Variants in UCKL1 observed in about 807,000 individuals in gnomAD.
UCKL1 encodes uridine-cytidine kinase-like 1.
In UCKL1, 65 loss-of-function variants were observed where a neutral mutation model predicts 59.2. The observed-to-expected ratio is 1.10, with a 90% CI of 0.90 to 1.35. The LOEUF (loss-of-function observed/expected upper bound fraction) is 1.35, where lower values mean the gene tolerates loss of function less well. Among genes scored for constraint, UCKL1 ranks in the 40% most tolerant of loss-of-function variants. UCKL1 has a pLI of 0.00. For missense variants in UCKL1, 703 were observed against 784.3 expected (o/e 0.90, Z 1.24); for synonymous variants, 410 against 323.1 (o/e 1.27, Z -2.88).
intron 1 of UCKL1, among the ~76,000 whole-genome samples, chr20:63,946,906 C>T (rs775725431): frequency 4.6e-5 from 7 of 151,698 alleles, no homozygotes; most frequent in Non-Finnish European, 7.4e-5. Flanking sequence ...GGTGAAGACC[C>T]GTCTCTACTA....
At position 63,940,829 on chromosome 20, in the gene UCKL1, G is replaced by A. The variant is rs1240826359; in HGVS notation, c.1144C>T (p.Gln382Ter). The stretch of plus-strand genomic sequence containing the variant: ...GCATAGCACTTGCCCGCATAGTCCT[G>A]CCCCTGCGGGGTCTGTACGACGCAG... ...QDCVVQTPQG[Q>*]DYAGKCYAGK... Residue 382 changes from glutamine (Q) to a stop codon, truncating the protein, a stop_gained, in exon 11 of 15, where the codon CAG (glutamine) becomes TAG (stop). Coordinates refer to ENST00000354216, the MANE Select transcript of UCKL1 (RefSeq NM_017859.4). LOFTEE classifies it high-confidence loss of function. The A allele has an allele frequency of 2.6e-6, 4 of 1,564,582 alleles. No individual in the cohort carries two copies. The highest frequency in any genetic ancestry group is 2.7e-5 in the African/African-American group (2 of 74,312).
chr20:63,952,224 GC>G (rs1258146606), intron 1 of UCKL1, among the ~76,000 whole-genome samples: 1 of 152,222 alleles, frequency 6.6e-6, no homozygotes, highest in Non-Finnish European at 1.5e-5. Context: ...GCTCCTGGGG[GC>G]CATGCCACTG....
In UCKL1 at chr20:63,944,762, G is replaced by A. The variant is rs527608342; in HGVS notation, c.655-28C>T. ...GGTGGAGACAGCGGGCCAGTGAGTG[G>A]CCAGATGCCAGCAGTGGGCATGGAG... is the stretch of plus-strand genomic sequence containing the variant. On this transcript the variant is annotated intron_variant, in intron 5 of 14. Transcript: ENST00000354216. 2.6e-5 allele frequency: 42 copies of A among 1,608,916 alleles called. No individual in the cohort carries two copies. In the South Asian group the frequency reaches 4.2e-4, roughly 16 times the overall value.
intron 8 of UCKL1, chr20:63,941,430 G>T: frequency 1.5e-6 from 1 of 657,306 alleles, no homozygotes; most frequent in Non-Finnish European, 2.6e-6. Context: ...AACGGGGCAA[G>T]CTCACCATCA....
In UCKL1 at chr20:63,939,913, T is replaced by G; in HGVS notation, c.*63A>C. 1 of 1,330,556 alleles carries G rather than the reference T, an allele frequency of 7.5e-7. No homozygotes were observed. The highest frequency in any genetic ancestry group is 1.5e-5 in the African/African-American group (1 of 68,750). 82.4% of individuals were successfully genotyped at this position (1,330,556 alleles called of 1,614,324 possible). On this transcript the variant is annotated 3_prime_UTR_variant, in exon 15 of 15. Transcript: ENST00000354216. ...CATTTTAAAAATTAACATCTTTGTA[T>G]TCAGCAGTCCTGGGTCAGGAGGCAG... is the stretch of plus-strand genomic sequence containing the variant.
intron 1 of UCKL1, chr20:63,951,186 C>A: frequency 2.0e-6 from 2 of 1,024,868 alleles, no homozygotes; most frequent in Non-Finnish European, 2.3e-6. Context: ...AGAGGATCAC[C>A]CAGCTGGGGG....
Position 63,956,262 on chromosome 20 carries a change from G to T in UCKL1, c.111C>A (p.Asp37Glu). 1 of 1,539,906 alleles carries T rather than the reference G, an allele frequency of 6.5e-7. No homozygotes were observed. Residue 37 changes from aspartate to glutamate, a missense_variant and splice_region_variant, in exon 1 of 15, where the codon GAC becomes GAA. By Grantham distance (45) the Asp-to-Glu change is conservative. Around this residue, in one of 4 missense-constraint regions of UCKL1, gnomAD observed 398 missense variants for 373.0 expected, o/e 1.07. Coordinates refer to ENST00000354216, the MANE Select transcript of UCKL1 (RefSeq NM_017859.4). ...QAEKSETACE[D>E]RSNAESLDRL... is the part of the protein sequence containing the mutation. ...GTGGAGGCGAGGCCCACGCCTACCGGTCCTCGCACGCGGTCTCGCTTTTCT... is the reference window on the plus strand; with the variant it reads ...GTGGAGGCGAGGCCCACGCCTACCGTTCCTCGCACGCGGTCTCGCTTTTCT...
intron 1 of UCKL1, among the ~76,000 whole-genome samples, chr20:63,947,054 C>G (rs1254020816): frequency 6.6e-6 from 1 of 151,750 alleles, no homozygotes. Context: ...GCACTCCAGT[C>G]TGGGTGACAG....
intron 8 of UCKL1, chr20:63,942,495 T>C: frequency 8.5e-7 from 1 of 1,175,176 alleles, no homozygotes; most frequent in Non-Finnish European, 1.1e-6. Context: ...TTCCTCTGCT[T>C]GCCAGGTGAA....
At chr20:63,942,671 G>A (rs1238754694) in intron 8 of UCKL1, 2 of 506,230 alleles carry the variant, frequency 4.0e-6, no homozygotes, top group East Asian at 6.0e-5. Context: ...TCCTGCCCCC[G>A]ACCAAGGCTT....
At position 63,945,689 on chromosome 20, in the gene UCKL1, CAA is replaced by C. The variant is rs1317573792; in HGVS notation, c.614_615del (p.Phe205Ter). ...KTLYGANVII[F>X]EGIMAFADKT... ...TTGTCAGCAAAGGCCATGATGCCCT[CAA>C]AGATGATGACGTTTGCACCATACAG... On this transcript the variant is annotated frameshift_variant, in exon 5 of 15. Coordinates refer to ENST00000354216, the MANE Select transcript of UCKL1 (RefSeq NM_017859.4). LOFTEE classifies it high-confidence loss of function. 6.2e-7 allele frequency: 1 copy of C among 1,613,124 alleles called. No homozygotes were observed. Among genetic ancestry groups the C allele is most frequent in the South Asian group, 1.1e-5 (1 of 91,074 alleles).
At chr20:63,951,589 AC>A (rs1277453334) in intron 1 of UCKL1, among the ~76,000 whole-genome samples, 3 of 151,894 alleles carry the variant, frequency 2.0e-5, no homozygotes, top group Non-Finnish European at 4.4e-5. Flanking sequence ...GCCTTGCCCT[AC>A]CCCCACTCAC....
chr20:63,943,768 G>A, intron 7 of UCKL1, 99 bp from the exon 8 acceptor site: 1 of 1,561,288 alleles, frequency 6.4e-7, no homozygotes, highest in East Asian at 2.3e-5. Flanking sequence ...CATGCTGCAG[G>A]CCCGCGGGGA....
intron 8 of UCKL1, 30 bp downstream of exon 8, chr20:63,943,623 C>A: frequency 6.2e-7 from 1 of 1,612,584 alleles, no homozygotes; most frequent in South Asian, 1.1e-5. Context: ...GAAGTGCCTC[C>A]ATCTGTGCAG....
At position 63,941,356 on chromosome 20, in the gene UCKL1, C is replaced by T. The variant is rs2054342501; in HGVS notation, c.924-148G>A. 2.4e-6 allele frequency: 3 copies of T among 1,271,276 alleles called. No homozygotes were observed. The South Asian group carries it at 4.4e-5, about 19-fold the overall frequency. The allele number at this position is 1,271,276 out of a possible 1,614,324, so 78.7% of individuals were successfully genotyped here. ...GAGCGGGCCTGACTTCTGCCTGGGG[C>T]TGAGCTGGGGGGAGACGTCGCCCTA... On this transcript the variant is annotated intron_variant, in intron 8 of 14. Transcript: ENST00000354216.
chr20:63,941,258 G>A (rs748669144), intron 8 of UCKL1, 50 bp from the exon 9 acceptor site: 1 of 1,455,364 alleles, frequency 6.9e-7, no homozygotes, highest in South Asian at 1.4e-5. Context: ...TTTTCCCAGA[G>A]CCCTCCCTCC....
At position 63,956,364 on chromosome 20, in the gene UCKL1, C is replaced by G. The variant is rs371788827; in HGVS notation, c.9G>C (p.Ala3=). The G allele has an allele frequency of 1.1e-5, 16 of 1,523,682 alleles. No individual in the cohort carries two copies. The highest frequency in any genetic ancestry group is 1.4e-5 in the African/African-American group (1 of 69,686). 94.4% of individuals were successfully genotyped at this position (1,523,682 alleles called of 1,614,324 possible). Reference sequence around the variant, plus strand: ...GATCAGCGTCCGCGCGGGCCGGGGGCGCAGCCATGGCGCTCGGAGGCCTCT... The same window carrying G: ...GATCAGCGTCCGCGCGGGCCGGGGGGGCAGCCATGGCGCTCGGAGGCCTCT... MA[A]PPARADADPS... Residue 3 remains alanine (A), a synonymous_variant, in exon 1 of 15, where the codon GCG becomes GCC. Transcript: ENST00000354216.
In UCKL1 at chr20:63,941,203, G is replaced by A. The variant is rs752532073; in HGVS notation, c.929C>T (p.Ala310Val). The A allele has an allele frequency of 2.6e-6, 4 of 1,532,190 alleles. No homozygotes were observed. The highest frequency in any genetic ancestry group is 2.3e-5 in the East Asian group (1 of 43,084). 94.9% of individuals were successfully genotyped at this position (1,532,190 alleles called of 1,614,324 possible). A position where few individuals can be genotyped will look rare whatever the true frequency, so the allele number is the denominator to read the frequency against. The change falls in exon 9 of 15, where the codon GCG becomes GTG. Residue 310 changes from alanine (A) to valine (V), a missense_variant. Transcript: ENST00000354216. Reference protein sequence around the residue: ...LEERELSVRAALASAHQCHPL... With the variant: ...LEERELSVRAVLASAHQCHPL... ...GTGGCACTGGTGTGCCGAGGCCAGC[G>A]CAGCCCTGGGGACAAACCGATGGGG... is the stretch of plus-strand genomic sequence containing the variant.
Position 63,940,638 on chromosome 20 carries a change from C to G in UCKL1, c.1258G>C (p.Gly420Arg). 1.2e-6 allele frequency: 2 copies of G among 1,610,138 alleles called. No individual in the cohort carries two copies. The highest frequency in any genetic ancestry group is 1.7e-6 in the Non-Finnish European group (2 of 1,179,574). The part of the protein sequence containing the change: ...LRAVCKDVRI[G>R]TILIQTNQLT... ...TGGTTGGTCTGGATGAGGATGGTGC[C>G]GATGCGCACGTCTTTGCACACAGCG... is the stretch of plus-strand genomic sequence containing the variant. The change falls in exon 12 of 15, where the codon GGC becomes CGC. Residue 420 changes from glycine to arginine, a missense_variant. Transcript: ENST00000354216.
Sources: gnomAD v4.1 joint callset for allele counts (sites outside exome capture counted in the v4.1 genomes callset) on GRCh38, gnomAD v4.1.1 for gene constraint, gnomAD v4.1.1 regional missense constraint, MANE v1.5 for transcripts, NCBI Gene and HGNC (gene_info 2026-07-23, HGNC 2026-07-21) for gene names.